The following ULK4 variants were observed in gnomAD, a reference collection of about 807,000 sequenced individuals.
ULK4 encodes inactive serine/threonine-protein kinase ULK4.
In ULK4, 133 loss-of-function variants were observed where a neutral mutation model predicts 160.6. That is an observed-to-expected ratio of 0.83 (90% CI 0.72 to 0.96). The LOEUF (loss-of-function observed/expected upper bound fraction) is 0.96. Ranked by LOEUF, ULK4 falls within the 40% of genes least tolerant of loss-of-function variation. The pLI, the probability that ULK4 is intolerant of heterozygous loss-of-function variation, is 0.00. For missense variants in ULK4, 1,580 were observed against 1,499.5 expected (o/e 1.05, Z -0.89); for synonymous variants, 534 against 539.8 (o/e 0.99, Z 0.15).
rs1447108178 is a variant in ULK4, at chr3:41,715,480, CA to C, written c.2543del (p.Leu848ArgfsTer4). 24 of 1,613,968 alleles carry C rather than the reference CA, an allele frequency of 1.5e-5. No homozygotes were observed. Among genetic ancestry groups the C allele is most frequent in the East Asian group, 8.9e-5 (4 of 44,890 alleles). ...QVKQLKLCLP[L>X]MPVVLHLVTS... ...TTACGAGGTGAAGCACTACAGGCATCAGGGGGAGACACAACTTCAGCTGTTT... is the reference window on the plus strand; with the variant it reads ...TTACGAGGTGAAGCACTACAGGCATCGGGGGAGACACAACTTCAGCTGTTT... On this transcript the variant is annotated frameshift_variant, in exon 24 of 37. Coordinates refer to ENST00000301831, the MANE Select transcript of ULK4 (RefSeq NM_017886.4). LOFTEE classifies it high-confidence loss of function.
chr3:41,909,934 TC>T (rs1020901095), intron 11 of ULK4, among the ~76,000 whole-genome samples: 3 of 152,120 alleles, frequency 2.0e-5, no homozygotes, highest in African/African-American at 7.2e-5. Flanking sequence ...TTCGCTCTTG[TC>T]CCCCAGGCTG....
intron 35 of ULK4, among the ~76,000 whole-genome samples, chr3:41,323,411 C>CAT (rs2080283628): frequency 6.7e-6 from 1 of 149,714 alleles, no homozygotes; most frequent in South Asian, 2.1e-4. Flanking sequence ...CACACACACA[C>CAT]ACACACACAC....
chr3:41,763,858 T>C (rs1039686696), intron 21 of ULK4, among the ~76,000 whole-genome samples: 1 of 152,238 alleles, frequency 6.6e-6, no homozygotes, highest in Non-Finnish European at 1.5e-5. Flanking sequence ...CTCACCAACA[T>C]TTATTATTGT....
intron 30 of ULK4, among the ~76,000 whole-genome samples, chr3:41,652,911 G>A (rs2034797498): frequency 6.6e-6 from 1 of 152,148 alleles, no homozygotes; most frequent in African/African-American, 2.4e-5. Context: ...GCTTCACATT[G>A]ATTGTGGGGC....
chr3:41,489,356 A>G (rs549293685), intron 32 of ULK4, among the ~76,000 whole-genome samples: 1 of 152,304 alleles, frequency 6.6e-6, no homozygotes, highest in South Asian at 2.1e-4. Context: ...GCTGACTTGT[A>G]ATATAATCCT....
intron 16 of ULK4, among the ~76,000 whole-genome samples, chr3:41,890,025 C>T (rs1697861628): frequency 6.6e-6 from 1 of 152,126 alleles, no homozygotes; most frequent in Non-Finnish European, 1.5e-5. Context: ...CTGTATGATT[C>T]CATTTATATG....
intron 29 of ULK4, among the ~76,000 whole-genome samples, chr3:41,679,738 T>C (rs1006831257): frequency 1.3e-5 from 2 of 152,218 alleles, no homozygotes; most frequent in African/African-American, 4.8e-5. Flanking sequence ...TTAACAGAGC[T>C]TTAAAAAAGC....
At chr3:41,406,904 C>T (rs557035211) in intron 34 of ULK4, among the ~76,000 whole-genome samples, 148 of 152,276 alleles carry the variant, frequency 9.7e-4, no homozygotes, top group Admixed American at 2.0e-3. Flanking sequence ...AGATGGGACA[C>T]AAATAGGGTG....
chr3:41,415,465 C>A (rs1021714140), intron 34 of ULK4, among the ~76,000 whole-genome samples: 2 of 152,174 alleles, frequency 1.3e-5, no homozygotes, highest in African/African-American at 4.8e-5. Flanking sequence ...CACCTCTGCC[C>A]CTTGCTCATT....
chr3:41,728,111 G>A (rs947807540), intron 22 of ULK4, among the ~76,000 whole-genome samples: 28 of 152,200 alleles, frequency 1.8e-4, no homozygotes, highest in African/African-American at 6.3e-4. Context: ...TGGTATGTGA[G>A]TGTGAGTTCA....
intron 17 of ULK4, among the ~76,000 whole-genome samples, chr3:41,843,802 C>T (rs986902306): frequency 6.6e-6 from 1 of 152,102 alleles, no homozygotes; most frequent in South Asian, 2.1e-4. Context: ...CTTATCTGGC[C>T]CCACCCACAT....
chr3:41,729,200 C>T (rs1243877869), intron 22 of ULK4, among the ~76,000 whole-genome samples: 1 of 152,134 alleles, frequency 6.6e-6, no homozygotes, highest in Non-Finnish European at 1.5e-5. Context: ...ACCCTGTCTC[C>T]CCAATTGGGA....
At chr3:41,558,281 T>C (rs972117881) in intron 32 of ULK4, among the ~76,000 whole-genome samples, 1 of 152,134 alleles carries the variant, frequency 6.6e-6, no homozygotes, top group Non-Finnish European at 1.5e-5. Flanking sequence ...TGTTGCTGTG[T>C]AAAAGAATAA....
chr3:41,763,666 C>T (rs1475288279), intron 21 of ULK4, among the ~76,000 whole-genome samples: 3 of 152,164 alleles, frequency 2.0e-5, no homozygotes, highest in Admixed American at 6.5e-5. Flanking sequence ...TATGGACATT[C>T]TTGTAATGTC....
intron 25 of ULK4, among the ~76,000 whole-genome samples, chr3:41,706,396 TAA>T (rs2036887326): frequency 6.2e-5 from 9 of 145,134 alleles, no homozygotes; most frequent in Non-Finnish European, 1.0e-4. Flanking sequence ...TTATATATAT[TAA>T]ATATATATAA....
intron 35 of ULK4, among the ~76,000 whole-genome samples, chr3:41,268,224 C>T (rs1219558742): frequency 2.0e-5 from 3 of 152,162 alleles, no homozygotes; most frequent in Non-Finnish European, 4.4e-5. Flanking sequence ...TAGGCTAGAC[C>T]ATCTGATCCA....
At chr3:41,491,880 C>G (rs1452374565) in intron 32 of ULK4, among the ~76,000 whole-genome samples, 1 of 147,926 alleles carries the variant, frequency 6.8e-6, no homozygotes, top group African/African-American at 2.5e-5. Flanking sequence ...ATCCCTCCCG[C>G]CTCCCCCCAC....
At chr3:41,737,085 G>A (rs1344905639) in intron 22 of ULK4, among the ~76,000 whole-genome samples, 4 of 151,878 alleles carry the variant, frequency 2.6e-5, no homozygotes, top group African/African-American at 9.7e-5. Context: ...ATGCTGTTTT[G>A]GTTACTGTAG....
At chr3:41,280,983 T>C (rs1041860711) in intron 35 of ULK4, among the ~76,000 whole-genome samples, 3 of 152,060 alleles carry the variant, frequency 2.0e-5, no homozygotes, top group African/African-American at 7.2e-5. Context: ...TATCACCACC[T>C]ATCCCACAAA....
Sources: allele counts gnomAD v4.1 joint callset (sites outside exome capture counted in the v4.1 genomes callset), GRCh38; gene constraint gnomAD v4.1.1; transcripts MANE v1.5; gene names NCBI Gene and HGNC (gene_info 2026-07-23, HGNC 2026-07-21).